The following ERI2 variants were observed in gnomAD, a reference collection of about 807,000 sequenced individuals.
ERI2 encodes ERI1 exoribonuclease family member 2.
A neutral mutation model predicts 46.8 loss-of-function variants in ERI2; 35 were observed. That is an observed-to-expected ratio of 0.75 (90% CI 0.57 to 0.99). The LOEUF is 0.99. ERI2 is among the 50% of genes least tolerant of loss of function. The pLI is 0.00. For synonymous variants in ERI2, 224 were observed against 271.0 expected (o/e 0.83, Z 1.70); for missense variants, 695 against 796.2 (o/e 0.87, Z 1.53).
intron 1 of ERI2, chr16:20,806,105 C>T (rs2080866165): frequency 5.3e-6 from 7 of 1,316,726 alleles, no homozygotes; most frequent in Non-Finnish European, 5.8e-6. Context: ...AGGGCACTGT[C>T]ACGTCCAGTC....
Position 20,790,685 on chromosome 16 carries a change from C to T in ERI2, c.815+165G>A, listed in dbSNP as rs34381224. The stretch of plus-strand genomic sequence containing the variant: ...GACCATTTGGCCTTTTTACTCATTA[C>T]GTAGTAAGTGACTTACTAAATAATC... On this transcript the variant is annotated intron_variant, in intron 9 of 10. Coordinates refer to the ERI2 transcript ENST00000300005. This position sits in a 1 kb window ranked among gnomAD's most constrained non-coding sequence, Gnocchi z 4.0. 9 of 1,613,414 alleles carry T rather than the reference C, an allele frequency of 5.6e-6. No homozygotes were observed. The highest frequency in any genetic ancestry group is 1.3e-5 in the African/African-American group (1 of 74,908).
chr16:20,789,594 A>G (rs7196128), intron 9 of ERI2: 217,680 of 1,431,298 alleles, frequency 0.15, 17,760 homozygotes, highest in African/African-American at 0.27. Context: ...GAAGATATTT[A>G]TTTATCAAGA....
At chr16:20,783,848 C>G (rs1002744919) in intron 10 of ERI2, among the ~76,000 whole-genome samples, 1 of 150,450 alleles carries the variant, frequency 6.6e-6, no homozygotes, top group Non-Finnish European at 1.5e-5. Context: ...TGCTCTGTTG[C>G]CCAGGCTGGA....
intron 10 of ERI2, chr16:20,785,974 T>C: frequency 1.4e-6 from 1 of 722,372 alleles, no homozygotes. Context: ...TGAGCCTAGT[T>C]CATAGTAAGT....
intron 8 of ERI2, among the ~76,000 whole-genome samples, chr16:20,791,175 T>C (rs939534066): frequency 1.2e-4 from 18 of 152,226 alleles, no homozygotes; most frequent in Non-Finnish European, 2.2e-4. Context: ...CTCTATCATA[T>C]AATAAAAGAT....
At position 20,790,886 on chromosome 16, in the gene ERI2, G is replaced by C. The variant is rs1313002024; in HGVS notation, c.779C>G (p.Ser260Ter). 1 of 1,613,958 alleles carries C rather than the reference G, an allele frequency of 6.2e-7. No individual in the cohort carries two copies. The highest frequency in any genetic ancestry group is 1.3e-5 in the African/African-American group (1 of 74,922). Reference sequence around the variant, plus strand: ...CTGAAGAAAAGCATGCTGGTCCCCTGAGGCCAGATCACTGTTCCAGGTCCA... The same window carrying C: ...CTGAAGAAAAGCATGCTGGTCCCCTCAGGCCAGATCACTGTTCCAGGTCCA... Residue 260 changes from serine to a stop codon, truncating the protein, a stop_gained, in exon 9 of 11, where the codon TCA becomes TGA. Coordinates refer to the ERI2 transcript ENST00000300005. LOFTEE classifies it high-confidence loss of function. This position sits in a 1 kb window ranked among gnomAD's most constrained non-coding sequence, Gnocchi z 4.0.
At chr16:20,783,943 T>G (rs1474855535) in intron 10 of ERI2, among the ~76,000 whole-genome samples, 1 of 152,114 alleles carries the variant, frequency 6.6e-6, no homozygotes, top group African/African-American at 2.4e-5. Context: ...GCATGTAGGA[T>G]TACAGGTGTG....
Position 20,796,889 on chromosome 16 carries a change from G to A in ERI2, c.*835C>T, listed in dbSNP as rs1041201486. 9.9e-6 allele frequency: 16 copies of A among 1,611,572 alleles called. No homozygotes were observed. The highest frequency in any genetic ancestry group is 1.3e-5 in the Non-Finnish European group (15 of 1,179,190). ...TTCTTCCCCTTGATGCCAACAGGTAGAATTTATTCAAGAGCTGCCAAAGAC... is the reference window on the plus strand; with the variant it reads ...TTCTTCCCCTTGATGCCAACAGGTAAAATTTATTCAAGAGCTGCCAAAGAC... On this transcript the variant is annotated 3_prime_UTR_variant, in exon 9 of 9. Coordinates refer to ENST00000357967, the MANE Select transcript of ERI2 (RefSeq NM_001142725.2).
intron 8 of ERI2, chr16:20,791,044 G>T: frequency 9.0e-7 from 1 of 1,110,480 alleles, no homozygotes; most frequent in Non-Finnish European, 1.3e-6. Flanking sequence ...AGAGTGAGAG[G>T]GACAGGGGAT....
intron 5 of ERI2, chr16:20,800,898 A>T (rs139212004): frequency 1.5e-5 from 3 of 206,174 alleles, no homozygotes; most frequent in Non-Finnish European, 2.9e-5. Flanking sequence ...TGAGCTGATG[A>T]AGACTGTAGA....
In ERI2 at chr16:20,798,218, GA is replaced by G; in HGVS notation, c.1581del (p.Leu528PhefsTer38). Reference sequence around the variant, plus strand: ...GGATTCCTTTTGGTACCACCTGAAAGAAGAGGATGTTTCCCCAAAACTAAAG... The same window carrying G: ...GGATTCCTTTTGGTACCACCTGAAAGAGAGGATGTTTCCCCAAAACTAAAG... ...SHPLVLGKHP[L>X]LSGGTKRNPC... On this transcript the variant is annotated frameshift_variant, in exon 9 of 9. Coordinates refer to ENST00000357967, the MANE Select transcript of ERI2 (RefSeq NM_001142725.2). LOFTEE classifies it high-confidence loss of function. The G allele has an allele frequency of 1.3e-6, 2 of 1,551,610 alleles. No homozygotes were observed. The highest frequency in any genetic ancestry group is 1.7e-6 in the Non-Finnish European group (2 of 1,146,910).
At chr16:20,781,243 T>C in intron 10 of ERI2, 1 of 1,316,966 alleles carries the variant, frequency 7.6e-7, no homozygotes. Flanking sequence ...TGATTTAAGA[T>C]ATGTCACATC....
downstream of ERI2, among the ~76,000 whole-genome samples, chr16:20,794,516 C>T (rs1197636361): frequency 6.6e-6 from 1 of 152,128 alleles, no homozygotes; most frequent in Non-Finnish European, 1.5e-5. Context: ...TTGAAATAGA[C>T]ACACGTGGCT....
intron 5 of ERI2, chr16:20,800,642 A>C: frequency 6.1e-6 from 2 of 329,396 alleles, no homozygotes; most frequent in Non-Finnish European, 1.1e-5. Flanking sequence ...CAGAAAGAAG[A>C]GTAACATGTT....
chr16:20,804,336 G>A (rs1352355816), intron 1 of ERI2, among the ~76,000 whole-genome samples: 1 of 152,104 alleles, frequency 6.6e-6, no homozygotes, highest in Non-Finnish European at 1.5e-5. Context: ...TGTAGGACAT[G>A]GTTCAGTCTT....
chr16:20,791,714 G>A (rs2080601843), downstream of ERI2, among the ~76,000 whole-genome samples: 1 of 152,100 alleles, frequency 6.6e-6, no homozygotes, highest in South Asian at 2.1e-4. Context: ...ATCACTTGAG[G>A]TAAGGAGCTC....
downstream of ERI2, among the ~76,000 whole-genome samples, chr16:20,794,104 G>C (rs920759689): frequency 2.8e-4 from 42 of 152,286 alleles, no homozygotes; most frequent in African/African-American, 9.6e-4. Flanking sequence ...AGGTATCCAT[G>C]AACAAAACGG....
Position 20,796,417 on chromosome 16 carries a change from T to A in ERI2, c.*1307A>T. ...TAAATCCTGATTACAAGTCACATGA[T>A]CAAGAACAACTAATAAAGGAGATTC... On this transcript the variant is annotated 3_prime_UTR_variant, in exon 9 of 9. Coordinates refer to ENST00000357967, the MANE Select transcript of ERI2 (RefSeq NM_001142725.2). 6.2e-7 allele frequency: 1 copy of A among 1,613,852 alleles called. No individual in the cohort carries two copies. The highest frequency in any genetic ancestry group is 8.5e-7 in the Non-Finnish European group (1 of 1,179,924).
At chr16:20,789,338 G>C in intron 10 of ERI2, 1 of 668,174 alleles carries the variant, frequency 1.5e-6, no homozygotes, top group South Asian at 1.9e-5. Flanking sequence ...TGAGGAATAG[G>C]TACATGTCAA....
Sources: allele counts gnomAD v4.1 joint callset (sites outside exome capture counted in the v4.1 genomes callset), GRCh38; gene constraint gnomAD v4.1.1; non-coding constraint Gnocchi (gnomAD v3.1); transcripts MANE v1.5; gene names NCBI Gene and HGNC (gene_info 2026-07-23, HGNC 2026-07-21).